STARD13: variants seen among roughly 807,000 people sequenced by gnomAD.
The protein encoded by STARD13 is StAR related lipid transfer domain containing 13.
Under a neutral mutation model 106.4 loss-of-function variants are expected in STARD13, and 62 were observed. That is an observed-to-expected ratio of 0.58 (90% CI 0.48 to 0.72). The LOEUF (loss-of-function observed/expected upper bound fraction) is 0.72, where lower values mean the gene tolerates loss of function less well. Among genes scored for constraint, STARD13 ranks in the 30% least tolerant of loss-of-function variants. The probability of loss-of-function intolerance (pLI) is 0.00; values close to 1 mark genes in which losing one functional copy is unlikely to be tolerated. For missense variants in STARD13, 1,387 were observed against 1,424.0 expected (o/e 0.97, Z 0.42); for synonymous variants, 565 against 553.0 (o/e 1.02, Z -0.31).
At chr13:33,196,454 T>C (rs1886625902) in intron 1 of STARD13, among the ~76,000 whole-genome samples, 2 of 152,170 alleles carry the variant, frequency 1.3e-5, no homozygotes, top group South Asian at 4.1e-4. Flanking sequence ...CAGTATGCAA[T>C]ATCAGGATAT....
the STARD13 span, among the ~76,000 whole-genome samples, chr13:33,522,950 G>C: frequency 6.6e-6 from 1 of 152,172 alleles, no homozygotes; most frequent in East Asian, 1.9e-4. Flanking sequence ...GTGTGTGAGA[G>C]CTTAGCATTG....
At chr13:33,359,854 G>A in the STARD13 span, among the ~76,000 whole-genome samples, 2 of 152,238 alleles carry the variant, frequency 1.3e-5, no homozygotes, top group Middle Eastern at 3.4e-3. Context: ...CATCAGCAAT[G>A]AGATTAAACC....
At chr13:33,326,375 T>C (rs1230411613) in intron 1 of STARD13, among the ~76,000 whole-genome samples, 1 of 152,248 alleles carries the variant, frequency 6.6e-6, no homozygotes, top group Non-Finnish European at 1.5e-5. Flanking sequence ...GGTAAGAAGC[T>C]AAATTTGAAA....
the STARD13 span, among the ~76,000 whole-genome samples, chr13:33,407,846 A>G: frequency 1.3e-5 from 2 of 152,378 alleles, no homozygotes; most frequent in East Asian, 3.9e-4. Context: ...TCAGAAAGCC[A>G]TCAAAGCTAC....
intron 1 of STARD13, among the ~76,000 whole-genome samples, chr13:33,332,484 T>G (rs1032719304): frequency 6.6e-6 from 1 of 152,006 alleles, no homozygotes; most frequent in African/African-American, 2.4e-5. Context: ...ACAGAGAGAT[T>G]TCTCACTCTC....
At chr13:33,614,637 A>G in the STARD13 span, among the ~76,000 whole-genome samples, 4 of 152,166 alleles carry the variant, frequency 2.6e-5, no homozygotes, top group African/African-American at 9.7e-5. Flanking sequence ...ACAAAACAAA[A>G]CAGGGTAATG....
chr13:33,480,949 T>C, the STARD13 span, among the ~76,000 whole-genome samples: 1 of 152,142 alleles, frequency 6.6e-6, no homozygotes, highest in African/African-American at 2.4e-5. Flanking sequence ...AGGATCCAAC[T>C]TCAAGAGGCT....
Position 33,129,075 on chromosome 13 carries a change from T to C in STARD13, c.1602A>G (p.Leu534=). ...CTGAGACAGAGTTACCTTCAAAATC[T>C]AAGGTGATCTGATTAGGAGATGGAA... The part of the protein sequence containing the change: ...STFPSPNQIT[L]DFEGNSVSEG... Residue 534 remains leucine (L), a synonymous_variant, in exon 5 of 14, where the codon TTA becomes TTG. Transcript: ENST00000336934. 6.2e-7 allele frequency: 1 copy of C among 1,614,086 alleles called. No individual in the cohort carries two copies. The highest frequency in any genetic ancestry group is 8.5e-7 in the Non-Finnish European group (1 of 1,180,022).
the STARD13 span, among the ~76,000 whole-genome samples, chr13:33,441,011 C>A: frequency 6.6e-6 from 1 of 151,898 alleles, no homozygotes; most frequent in Admixed American, 6.6e-5. Context: ...CCTCCCCTCC[C>A]ACCTCCTCCT....
the STARD13 span, among the ~76,000 whole-genome samples, chr13:33,612,094 G>A: frequency 6.6e-6 from 1 of 152,168 alleles, no homozygotes; most frequent in African/African-American, 2.4e-5. Flanking sequence ...TATGTACCAG[G>A]TGTTGTGTTA....
chr13:33,596,141 T>C, the STARD13 span, among the ~76,000 whole-genome samples: 3 of 152,158 alleles, frequency 2.0e-5, no homozygotes. Context: ...AAGGATTGCT[T>C]GTGTATGGTA....
the STARD13 span, among the ~76,000 whole-genome samples, chr13:33,423,268 C>T: frequency 6.6e-6 from 1 of 152,138 alleles, no homozygotes; most frequent in Non-Finnish European, 1.5e-5. Flanking sequence ...ACAACCCCAT[C>T]AAAAAGTGGG....
intron 1 of STARD13, among the ~76,000 whole-genome samples, chr13:33,265,073 C>T (rs550899503): frequency 2.0e-5 from 3 of 152,250 alleles, no homozygotes; most frequent in Non-Finnish European, 4.4e-5. Flanking sequence ...GCCAGTTCTC[C>T]GAGGTGGCTT....
chr13:33,464,856 C>T, the STARD13 span, among the ~76,000 whole-genome samples: 1 of 152,004 alleles, frequency 6.6e-6, no homozygotes, highest in East Asian at 1.9e-4. Context: ...AATTGTTGAA[C>T]GCCTGCTATG....
the STARD13 span, among the ~76,000 whole-genome samples, chr13:33,489,916 T>G: frequency 6.6e-6 from 1 of 152,216 alleles, no homozygotes; most frequent in Non-Finnish European, 1.5e-5. Flanking sequence ...TGAGATCATT[T>G]TCAAAATTGG....
chr13:33,231,249 C>T (rs1888904778), intron 1 of STARD13, among the ~76,000 whole-genome samples: 1 of 152,152 alleles, frequency 6.6e-6, no homozygotes, highest in Non-Finnish European at 1.5e-5. Context: ...GACTTGGCAG[C>T]CATCGGTGCA....
At chr13:33,184,584 A>G (rs979543758) in intron 1 of STARD13, among the ~76,000 whole-genome samples, 5 of 152,222 alleles carry the variant, frequency 3.3e-5, no homozygotes, top group Admixed American at 1.3e-4. Context: ...AAGTCTCATT[A>G]CATCTCAAAG....
In STARD13 at chr13:33,294,270, G is replaced by A. The variant is rs997622477; in HGVS notation, c.124+56020C>T. 3.9e-5 allele frequency among the ~76,000 whole-genome samples: 6 copies of A among 152,228 alleles called. No individual in the cohort carries two copies. The East Asian group carries it at 1.2e-3, about 29-fold the overall frequency. ...AGCTGACCCTACAGATACCTCTTCT[G>A]AGGGACTTCAGTCCACTGGTCTGTA... On this transcript the variant is annotated intron_variant, in intron 1 of 5. Transcript: ENST00000567873.
chr13:33,369,730 T>C, the STARD13 span, among the ~76,000 whole-genome samples: 5 of 152,334 alleles, frequency 3.3e-5, no homozygotes, highest in East Asian at 9.6e-4. Context: ...ACATACAGTT[T>C]TTTTTTTGAA....
Sources: gnomAD v4.1 joint callset for allele counts (sites outside exome capture counted in the v4.1 genomes callset) on GRCh38, gnomAD v4.1.1 for gene constraint, MANE v1.5 for transcripts, NCBI Gene and HGNC (gene_info 2026-07-23, HGNC 2026-07-21) for gene names.